Variants in DNAJA2 observed in about 807,000 individuals in gnomAD.
The protein encoded by DNAJA2 is DnaJ heat shock protein family (Hsp40) member A2, also known as dnaJ homolog subfamily A member 2.
In DNAJA2, 6 loss-of-function variants were observed where a neutral mutation model predicts 49.3. The ratio of observed to expected loss-of-function variants is 0.12; its 90% CI spans 0.07 to 0.24. DNAJA2 has a LOEUF of 0.24. Among genes scored for constraint, DNAJA2 ranks in the 10% least tolerant of loss-of-function variants. DNAJA2 has a pLI of 1.00. For synonymous variants in DNAJA2, 160 were observed against 172.7 expected (o/e 0.93, Z 0.58); for missense variants, 347 against 516.8 (o/e 0.67, Z 3.19).
chr16:46,961,201 G>A (rs770513895), intron 6 of DNAJA2, among the ~76,000 whole-genome samples: 2 of 151,762 alleles, frequency 1.3e-5, no homozygotes, highest in Admixed American at 6.6e-5. Context: ...TCATCATGGC[G>A]AAATTCTGTC....
Position 46,964,817 on chromosome 16 carries a change from G to C in DNAJA2, c.578-10C>G, listed in dbSNP as rs554228778. The C allele has an allele frequency of 1.9e-6, 3 of 1,608,872 alleles. No individual in the cohort carries two copies. Among genetic ancestry groups the C allele is most frequent in the South Asian group, 1.1e-5 (1 of 90,640 alleles). Reference sequence around the variant, plus strand: ...TCATTAATTACCTCTCCTGGAAAGAGAAGTCATTGAAACTTTCAGCAAGAG... The same window carrying C: ...TCATTAATTACCTCTCCTGGAAAGACAAGTCATTGAAACTTTCAGCAAGAG... On this transcript the variant is annotated splice_polypyrimidine_tract_variant and intron_variant, in intron 5 of 8. Coordinates refer to ENST00000317089, the MANE Select transcript of DNAJA2 (RefSeq NM_005880.4).
At position 46,964,726 on chromosome 16, in the gene DNAJA2, T is replaced by C; in HGVS notation, c.659A>G (p.His220Arg). 6.2e-7 allele frequency: 1 copy of C among 1,614,224 alleles called. No homozygotes were observed. The highest frequency in any genetic ancestry group is 1.3e-5 in the African/African-American group (1 of 75,060). Residue 220 changes from histidine to arginine, a missense_variant, in exon 6 of 9, where the codon CAC becomes CGC. Physicochemically the swap from His to Arg is conservative, Grantham distance 29. Transcript: ENST00000317089. ...VIKEVKILEV[H>R]VDKGMKHGQR... is the part of the protein sequence containing the mutation. The stretch of plus-strand genomic sequence containing the variant: ...TCCATGTTTCATGCCTTTGTCTACG[T>C]GGACTTCAAGAATCTTGACTTCTTT...
Position 46,959,395 on chromosome 16 carries a change from A to C in DNAJA2, c.799T>G (p.Leu267Val). ...HEVFQRDGND[L>V]HMTYKIGLVE... ...AGTCCTATTTTATATGTCATGTGCA[A>C]ATCATTCCCATCTCTCTGAAATACC... Residue 267 changes from leucine (L) to valine (V), a missense_variant, in exon 7 of 9, where the codon TTG becomes GTG. Transcript: ENST00000317089. 1 of 1,611,980 alleles carries C rather than the reference A, an allele frequency of 6.2e-7. No individual in the cohort carries two copies. Among genetic ancestry groups the C allele is most frequent in the South Asian group, 1.1e-5 (1 of 90,604 alleles).
intron 5 of DNAJA2, among the ~76,000 whole-genome samples, chr16:46,966,154 G>A (rs1241654993): frequency 3.9e-5 from 6 of 152,158 alleles, no homozygotes; most frequent in African/African-American, 1.4e-4. Context: ...TTGCTTCAGC[G>A]TGGGCGGTGG....
intron 6 of DNAJA2, among the ~76,000 whole-genome samples, chr16:46,963,703 C>G (rs995407922): frequency 1.3e-5 from 2 of 151,896 alleles, no homozygotes; most frequent in Non-Finnish European, 2.9e-5. Flanking sequence ...ATCTCAAAAA[C>G]AAAAACCCCC....
intron 3 of DNAJA2, among the ~76,000 whole-genome samples, chr16:46,968,987 C>T (rs550008755): frequency 1.3e-5 from 2 of 152,312 alleles, no homozygotes; most frequent in East Asian, 1.9e-4. Flanking sequence ...ATTGAGGCTG[C>T]AGTGAGCTGA....
At chr16:46,973,380 A>C in intron 1 of DNAJA2, 115 bp downstream of exon 1, 15 of 897,852 alleles carry the variant, frequency 1.7e-5, no homozygotes, top group Non-Finnish European at 1.4e-6. Flanking sequence ...AGCCCGGGCC[A>C]GTCACGGCCG....
At position 46,967,596 on chromosome 16, in the gene DNAJA2, C is replaced by T. The variant is rs1195784639; in HGVS notation, c.494G>A (p.Arg165Gln). The T allele has an allele frequency of 1.9e-6, 3 of 1,614,054 alleles. No homozygotes were observed. The highest frequency in any genetic ancestry group is 2.5e-6 in the Non-Finnish European group (3 of 1,180,048). ...AVQKCSACRG[R>Q]GVRIMIRQLA... Reference sequence around the variant, plus strand: ...CTGTCTGATCATGATGCGCACACCTCGACCTCGACAAGCACTACACTTTTG... The same window carrying T: ...CTGTCTGATCATGATGCGCACACCTTGACCTCGACAAGCACTACACTTTTG... Residue 165 changes from arginine (R) to glutamine (Q), a missense_variant, in exon 5 of 9, where the codon CGA (arginine) becomes CAA (glutamine). Transcript: ENST00000317089.
chr16:46,970,730 C>CAAAAAAAAAAAAAAAAAAA lies in DNAJA2; in HGVS notation c.362+600_362+618dup, dbSNP rs10523905. Among the ~76,000 whole-genome samples the CAAAAAAAAAAAAAAAAAAA allele has an allele frequency of 1.6e-4, 5 of 32,200 alleles. 2 individuals carry two copies. The highest frequency in any genetic ancestry group is 2.1e-3 in the East Asian group (2 of 944). The allele number at this position is 32,200 out of a possible 152,430, so 21.1% of individuals were successfully genotyped here. A position where few individuals can be genotyped will look rare whatever the true frequency, so the allele number is the denominator to read the frequency against. ...AACCCGGGCGACAGGGACTCCATTT[C>CAAAAAAAAAAAAAAAAAAA]AAAAAAAAAAAAAAAAAAAAAAAAA... is the stretch of plus-strand genomic sequence containing the variant. On this transcript the variant is annotated intron_variant, in intron 3 of 8. Coordinates refer to ENST00000317089, the MANE Select transcript of DNAJA2 (RefSeq NM_005880.4).
chr16:46,960,552 A>G (rs1214843881), intron 6 of DNAJA2, among the ~76,000 whole-genome samples: 1 of 152,166 alleles, frequency 6.6e-6, no homozygotes, highest in African/African-American at 2.4e-5. Context: ...AGGCCAAGGC[A>G]GGCGGATCAC....
chr16:46,967,023 A>G (rs1440403019), intron 5 of DNAJA2, among the ~76,000 whole-genome samples: 1 of 152,186 alleles, frequency 6.6e-6, no homozygotes, highest in Non-Finnish European at 1.5e-5. Context: ...CACTAACACA[A>G]TACAAATCTA....
intron 6 of DNAJA2, among the ~76,000 whole-genome samples, chr16:46,964,185 C>T (rs967402606): frequency 6.6e-6 from 1 of 152,036 alleles, no homozygotes; most frequent in Non-Finnish European, 1.5e-5. Context: ...ACCAGCCTGA[C>T]CAACATGGAG....
chr16:46,956,899 TAA>T lies in DNAJA2; in HGVS notation c.*128_*129del, dbSNP rs1961823264. 8 of 999,436 alleles carry T rather than the reference TAA, an allele frequency of 8.0e-6. No homozygotes were observed. The South Asian group carries it at 1.0e-4, about 13-fold the overall frequency. 61.9% of individuals were successfully genotyped at this position (999,436 alleles called of 1,614,324 possible). On this transcript the variant is annotated 3_prime_UTR_variant, in exon 9 of 9. Coordinates refer to ENST00000317089, the MANE Select transcript of DNAJA2 (RefSeq NM_005880.4). ...CACTCTGTAGATACTATACCAATTT[TAA>T]AAGTTATACATAGACCAACAGATGT...
At position 46,959,026 on chromosome 16, in the gene DNAJA2, A is replaced by C. The variant is rs780937485; in HGVS notation, c.1024T>G (p.Trp342Gly). 1 of 1,606,048 alleles carries C rather than the reference A, an allele frequency of 6.2e-7. No homozygotes were observed. ...KFDVQFPENN[W>G]INPDKLSELE... ...ACAGAAAGCTTGTCTGGGTTGATCC[A>C]GTTGTTTTCAGGAAACTGCACATCA... Residue 342 changes from tryptophan (W) to glycine (G), a missense_variant, in exon 8 of 9, where the codon TGG (tryptophan) becomes GGG (glycine). Physicochemically the swap from Trp to Gly is radical, Grantham distance 184. Coordinates refer to ENST00000317089, the MANE Select transcript of DNAJA2 (RefSeq NM_005880.4).
chr16:46,959,113 G>A lies in DNAJA2; in HGVS notation c.937C>T (p.Arg313Ter). 6.2e-7 allele frequency: 1 copy of A among 1,608,810 alleles called. No individual in the cohort carries two copies. ...CGATACTGCGGCATCCCTTCACCTC[G>A]AACTACACGAACACACCCTATTATT... is the stretch of plus-strand genomic sequence containing the variant. ...VIEPGCVRVV[R>*]GEGMPQYRNP... The change falls in exon 8 of 9, where the codon CGA (arginine) becomes TGA (stop). Residue 313 changes from arginine (R) to a stop codon, truncating the protein, a stop_gained. Coordinates refer to ENST00000317089, the MANE Select transcript of DNAJA2 (RefSeq NM_005880.4). LOFTEE classifies it high-confidence loss of function.
Position 46,956,047 on chromosome 16 carries a change from G to C in DNAJA2, c.*982C>G, listed in dbSNP as rs1452514436. On this transcript the variant is annotated 3_prime_UTR_variant, in exon 9 of 9. Transcript: ENST00000317089. ...GGAGACAGCATCTTTTACATTTAAT[G>C]AAAACAGAGGATTTGAACACGTTCT... is the stretch of plus-strand genomic sequence containing the variant. The C allele has an allele frequency of 3.3e-5, 5 of 152,102 alleles. No individual in the cohort carries two copies. Among genetic ancestry groups the C allele is most frequent in the African/African-American group, 7.2e-5 (3 of 41,404 alleles). The allele number at this position is 152,102 out of a possible 1,614,324, so 9.4% of individuals were successfully genotyped here.
At chr16:46,967,953 G>T in intron 4 of DNAJA2, 131 bp downstream of exon 4, 1 of 906,908 alleles carries the variant, frequency 1.1e-6, no homozygotes, top group Non-Finnish European at 1.7e-6. Context: ...AAAGTGCTGG[G>T]ATTTCAGGTG....
intron 5 of DNAJA2, among the ~76,000 whole-genome samples, chr16:46,966,201 A>G (rs537055083): frequency 6.6e-6 from 1 of 152,214 alleles, no homozygotes; most frequent in Non-Finnish European, 1.5e-5. Flanking sequence ...ACTGCACTCC[A>G]GCCCAGGCGA....
At chr16:46,961,822 A>C (rs1961899797) in intron 6 of DNAJA2, among the ~76,000 whole-genome samples, 1 of 152,078 alleles carries the variant, frequency 6.6e-6, no homozygotes, top group African/African-American at 2.4e-5. Context: ...TAGACCAGAA[A>C]ACACTTAGAA....
Sources: gnomAD v4.1 joint callset for allele counts (sites outside exome capture counted in the v4.1 genomes callset) on GRCh38, gnomAD v4.1.1 for gene constraint, MANE v1.5 for transcripts, NCBI Gene and HGNC (gene_info 2026-07-23, HGNC 2026-07-21) for gene names.